The following PCDH7 variants were observed in gnomAD, a reference collection of about 807,000 sequenced individuals.
PCDH7 encodes protocadherin 7.
PCDH7 carries 17 observed loss-of-function variants against 58.9 expected under a neutral mutation model. The ratio of observed to expected loss-of-function variants is 0.29; its 90% CI spans 0.20 to 0.43. PCDH7 has a LOEUF of 0.43. Ranked by LOEUF, PCDH7 falls within the 20% of genes least tolerant of loss-of-function variation. The pLI is 1.00. For missense variants in PCDH7, 1,274 were observed against 1,441.0 expected (o/e 0.88, Z 1.88); for synonymous variants, 664 against 616.4 (o/e 1.08, Z -1.14).
At chr4:30,769,376 G>T (rs969940181) in intron 1 of PCDH7, among the ~76,000 whole-genome samples, 1 of 152,140 alleles carries the variant, frequency 6.6e-6, no homozygotes, top group African/African-American at 2.4e-5. Flanking sequence ...CAGCTATCTC[G>T]TTCCCATCTG....
intron 1 of PCDH7, among the ~76,000 whole-genome samples, chr4:30,900,121 G>A (rs190988125): frequency 1.1e-4 from 17 of 152,182 alleles, no homozygotes; most frequent in East Asian, 9.7e-4. Context: ...GATTTACTGG[G>A]TTGTCTAACT....
At chr4:30,779,538 G>C (rs1472434502) in intron 1 of PCDH7, among the ~76,000 whole-genome samples, 3 of 152,162 alleles carry the variant, frequency 2.0e-5, no homozygotes, top group Non-Finnish European at 4.4e-5. Flanking sequence ...TTAAAAGATA[G>C]TTATATTCAA....
At chr4:30,896,663 A>G (rs528031839) in intron 1 of PCDH7, among the ~76,000 whole-genome samples, 81 of 152,186 alleles carry the variant, frequency 5.3e-4, no homozygotes, top group African/African-American at 1.8e-3. Flanking sequence ...GGAAGTGGAA[A>G]ATCTGATAAA....
chr4:30,982,397 T>C (rs1054938380), intron 3 of PCDH7, among the ~76,000 whole-genome samples: 2 of 152,158 alleles, frequency 1.3e-5, no homozygotes, highest in Non-Finnish European at 2.9e-5. Flanking sequence ...TGCTTACTTC[T>C]CTTCCTCATC....
chr4:30,822,231 G>T (rs898770436), intron 1 of PCDH7, among the ~76,000 whole-genome samples: 2 of 152,086 alleles, frequency 1.3e-5, no homozygotes, highest in African/African-American at 4.8e-5. Context: ...ACATTTATTT[G>T]CAAGCAACTT....
At chr4:31,000,043 A>C (rs1439079319) in intron 3 of PCDH7, among the ~76,000 whole-genome samples, 2 of 152,124 alleles carry the variant, frequency 1.3e-5, no homozygotes. Flanking sequence ...CAAGAATTCT[A>C]TTGCATATAT....
At chr4:30,972,746 T>C (rs894139450) in intron 3 of PCDH7, among the ~76,000 whole-genome samples, 4 of 152,170 alleles carry the variant, frequency 2.6e-5, no homozygotes, top group African/African-American at 4.8e-5. Flanking sequence ...TAACATGACA[T>C]ATAAAAATTT....
intron 1 of PCDH7, among the ~76,000 whole-genome samples, chr4:30,856,961 C>A (rs988033669): frequency 4.0e-5 from 6 of 151,550 alleles, no homozygotes; most frequent in Non-Finnish European, 8.8e-5. Context: ...AATGACTCTA[C>A]TTTGTCAGGC....
intron 3 of PCDH7, among the ~76,000 whole-genome samples, chr4:30,961,825 C>A (rs1748462686): frequency 6.6e-6 from 1 of 152,132 alleles, no homozygotes; most frequent in Non-Finnish European, 1.5e-5. Context: ...AGAGTCAATT[C>A]ATCTCACCTG....
At chr4:31,121,078 T>C (rs1348026142) in intron 3 of PCDH7, among the ~76,000 whole-genome samples, 1 of 152,180 alleles carries the variant, frequency 6.6e-6, no homozygotes, top group Non-Finnish European at 1.5e-5. Context: ...TAATTAACGC[T>C]GGTGTGCTGG....
intron 3 of PCDH7, among the ~76,000 whole-genome samples, chr4:31,084,806 G>A (rs765380703): frequency 2.2e-4 from 33 of 148,994 alleles, no homozygotes; most frequent in Non-Finnish European, 4.9e-4. Flanking sequence ...GAGGAGACTA[G>A]AGGAGAGGCA....
At chr4:31,040,454 A>G (rs1364158593) in intron 3 of PCDH7, among the ~76,000 whole-genome samples, 2 of 152,224 alleles carry the variant, frequency 1.3e-5, no homozygotes. Flanking sequence ...TTTTTGCTGT[A>G]AAATTATATT....
chr4:30,867,557 G>C (rs549924206), intron 1 of PCDH7, among the ~76,000 whole-genome samples: 4 of 151,966 alleles, frequency 2.6e-5, no homozygotes, highest in Non-Finnish European at 4.4e-5. Flanking sequence ...CACCTAAGCT[G>C]TAGGCTCCTT....
chr4:30,738,560 T>C (rs2109245855), intron 1 of PCDH7, among the ~76,000 whole-genome samples: 1 of 152,330 alleles, frequency 6.6e-6, no homozygotes, highest in South Asian at 2.1e-4. Flanking sequence ...TCATGGAGAT[T>C]TCTGACATTA....
chr4:30,855,927 G>A (rs1733396414), intron 1 of PCDH7, among the ~76,000 whole-genome samples: 1 of 152,106 alleles, frequency 6.6e-6, no homozygotes, highest in South Asian at 2.1e-4. Flanking sequence ...GGATCTGTCG[G>A]CATTGTTAAT....
At chr4:30,832,772 A>G (rs994680104) in intron 1 of PCDH7, among the ~76,000 whole-genome samples, 4 of 152,142 alleles carry the variant, frequency 2.6e-5, no homozygotes, top group Non-Finnish European at 5.9e-5. Context: ...ATGAATGAGG[A>G]CACAGTTCCT....
intron 3 of PCDH7, among the ~76,000 whole-genome samples, chr4:31,128,087 A>T (rs1282199787): frequency 6.9e-6 from 1 of 145,726 alleles, no homozygotes; most frequent in African/African-American, 2.6e-5. Context: ...ATATATATGC[A>T]TATATATGTA....
intron 1 of PCDH7, among the ~76,000 whole-genome samples, chr4:30,834,442 C>A (rs967579620): frequency 1.3e-5 from 2 of 152,140 alleles, no homozygotes. Flanking sequence ...CAACGTCACA[C>A]GGCTGTTGCA....
chr4:30,721,582 G>C lies in PCDH7; in HGVS notation c.160G>C (p.Asp54His), dbSNP rs374919733. 1 of 1,609,386 alleles carries C rather than the reference G, an allele frequency of 6.2e-7. No homozygotes were observed. The highest frequency in any genetic ancestry group is 1.3e-5 in the African/African-American group (1 of 74,958). The change falls in exon 1 of 2, where the codon GAC becomes CAC. Residue 54 changes from aspartate (D) to histidine (H), a missense_variant. Asp to His is a moderately conservative substitution (Grantham distance 81). Around this residue, in one of 3 missense-constraint regions of PCDH7, gnomAD observed 212 missense variants for 255.8 expected, o/e 0.83. Transcript: ENST00000361762. This position sits in a 1 kb window ranked among gnomAD's most constrained non-coding sequence, Gnocchi z 6.7. ...CGTCCGCATCGGCAACGTGGCTTCA[G>C]ACCTGGGCATCGTGACCGGATCGGG... is the stretch of plus-strand genomic sequence containing the variant.
Sources: gnomAD v4.1 joint callset for allele counts (sites outside exome capture counted in the v4.1 genomes callset) on GRCh38, gnomAD v4.1.1 for gene constraint, gnomAD v4.1.1 regional missense constraint, Gnocchi (gnomAD v3.1) non-coding constraint, MANE v1.5 for transcripts, NCBI Gene and HGNC (gene_info 2026-07-23, HGNC 2026-07-21) for gene names.